Variants in BMERB1 observed in about 807,000 individuals in gnomAD.
The protein encoded by BMERB1 is bMERB domain-containing protein 1.
Under a neutral mutation model 23.6 loss-of-function variants are expected in BMERB1, and 12 were observed. The observed-to-expected ratio is 0.51, with a 90% CI of 0.33 to 0.82. BMERB1 has a LOEUF of 0.82. Among genes scored for constraint, BMERB1 ranks in the 40% least tolerant of loss-of-function variants. BMERB1 has a pLI of 0.03. For missense variants in BMERB1, 247 were observed against 255.4 expected, an observed-to-expected ratio of 0.97 and a Z score of 0.22; for synonymous variants, 122 against 96.6, an observed-to-expected ratio of 1.26 and a Z score of -1.54.
chr16:15,483,639 C>G (rs2051343187), intron 1 of BMERB1, among the ~76,000 whole-genome samples: 1 of 152,138 alleles, frequency 6.6e-6, no homozygotes, highest in Non-Finnish European at 1.5e-5. Flanking sequence ...CTCGGCCTCC[C>G]AAAGTGCTAG....
intron 2 of BMERB1, among the ~76,000 whole-genome samples, chr16:15,540,157 T>C (rs1275548687): frequency 6.6e-6 from 1 of 151,672 alleles, no homozygotes; most frequent in Non-Finnish European, 1.5e-5. Context: ...AAAAAATATA[T>C]ATAATTTTCA....
chr16:15,512,005 T>A (rs2051672083), intron 1 of BMERB1, among the ~76,000 whole-genome samples: 1 of 77,336 alleles, frequency 1.3e-5, no homozygotes, highest in Non-Finnish European at 2.4e-5. Context: ...AGAGCAAGAC[T>A]TGCTCTCAAA....
intron 2 of BMERB1, among the ~76,000 whole-genome samples, chr16:15,523,338 G>A (rs1312181846): frequency 6.6e-6 from 1 of 152,144 alleles, no homozygotes; most frequent in Non-Finnish European, 1.5e-5. Flanking sequence ...TACAGGATGG[G>A]GGCATGGCAG....
chr16:15,444,290 G>A (rs185335952), intron 1 of BMERB1, among the ~76,000 whole-genome samples: 2 of 151,806 alleles, frequency 1.3e-5, no homozygotes, highest in African/African-American at 2.4e-5. Flanking sequence ...CCAAAAGATA[G>A]AATCAATTCA....
At chr16:15,489,116 C>G (rs1225966166) in intron 1 of BMERB1, among the ~76,000 whole-genome samples, 1 of 152,094 alleles carries the variant, frequency 6.6e-6, no homozygotes, top group East Asian at 1.9e-4. Context: ...GATCCTATAT[C>G]TATCTGAATC....
At chr16:15,586,664 T>C (rs1307806618) in intron 5 of BMERB1, 53 bp from the exon 6 acceptor site, 7 of 1,311,524 alleles carry the variant, frequency 5.3e-6, no homozygotes, top group Non-Finnish European at 6.4e-6. Context: ...TCACCTCACC[T>C]CTCTCTCTCT....
chr16:15,531,545 C>T (rs1260530650), intron 2 of BMERB1, among the ~76,000 whole-genome samples: 1 of 152,148 alleles, frequency 6.6e-6, no homozygotes, highest in Admixed American at 6.5e-5. Context: ...GTGGCAGCAA[C>T]AATGACAGAG....
At chr16:15,582,114 A>C (rs1012113718) in intron 4 of BMERB1, among the ~76,000 whole-genome samples, 24 of 152,212 alleles carry the variant, frequency 1.6e-4, no homozygotes, top group African/African-American at 5.8e-4. Context: ...ATTATATTCT[A>C]TGGTCGGGTA....
chr16:15,519,228 C>T (rs1372411071), intron 2 of BMERB1, among the ~76,000 whole-genome samples: 1 of 152,052 alleles, frequency 6.6e-6, no homozygotes, highest in African/African-American at 2.4e-5. Context: ...CTGAAAGACT[C>T]CCGGTGGCCG....
Position 15,499,391 on chromosome 16 carries a change from C to G in BMERB1, c.107-15914C>G. 1.3e-5 allele frequency among the ~76,000 whole-genome samples: 2 copies of G among 151,636 alleles called. 1 individual carries two copies. The highest frequency in any genetic ancestry group is 3.9e-4 in the East Asian group (2 of 5,192). On this transcript the variant is annotated intron_variant, in intron 1 of 5. Coordinates refer to ENST00000300006, the MANE Select transcript of BMERB1 (RefSeq NM_033201.3). ...CCAGCCTGGGAGACAGAATGAGACT[C>G]CATCTAAAAAAATAAAAATAAAAAA...
intron 3 of BMERB1, among the ~76,000 whole-genome samples, chr16:15,570,622 G>T (rs973632132): frequency 1.3e-4 from 20 of 152,146 alleles, no homozygotes; most frequent in Non-Finnish European, 2.1e-4. Context: ...GAGCAAGAAA[G>T]AATTTAGGGC....
intron 1 of BMERB1, among the ~76,000 whole-genome samples, chr16:15,502,051 CTG>C (rs1453049574): frequency 6.6e-6 from 1 of 152,206 alleles, no homozygotes; most frequent in African/African-American, 2.4e-5. Context: ...GATAAGGAAA[CTG>C]AGTCTCAAAG....
chr16:15,444,119 CTTTGTTTTTTTTTTT>C (rs1468114343), intron 1 of BMERB1, among the ~76,000 whole-genome samples: 8 of 24,458 alleles, frequency 3.3e-4, no homozygotes, highest in Admixed American at 2.1e-3. Flanking sequence ...CAGGCACCAG[CTTTGTTTTTTTTTTT>C]TTTTTTTTTT....
chr16:15,454,072 AG>A (rs1240756545), intron 1 of BMERB1, among the ~76,000 whole-genome samples: 1 of 151,948 alleles, frequency 6.6e-6, no homozygotes, highest in Non-Finnish European at 1.5e-5. Flanking sequence ...TCTGCTCTCT[AG>A]GGGGGCACCT....
At chr16:15,515,260 G>A (rs776489235) in intron 1 of BMERB1, 45 bp from the exon 2 acceptor site, 3 of 1,610,948 alleles carry the variant, frequency 1.9e-6, no homozygotes, top group Non-Finnish European at 2.5e-6. Context: ...GTCCCATGGT[G>A]CAGCCTTGGG....
intron 2 of BMERB1, among the ~76,000 whole-genome samples, chr16:15,552,773 C>T (rs566839942): frequency 1.2e-4 from 18 of 152,340 alleles, no homozygotes; most frequent in Admixed American, 2.0e-4. Flanking sequence ...ACGTAGTAGG[C>T]GCTCAAGAAC....
At chr16:15,536,023 G>T (rs116364764) in intron 2 of BMERB1, among the ~76,000 whole-genome samples, 2 of 152,110 alleles carry the variant, frequency 1.3e-5, no homozygotes, top group East Asian at 1.9e-4. Context: ...CCCTCGACAC[G>T]TGGGGATTAC....
At chr16:15,553,396 G>T (rs1443840970) in intron 2 of BMERB1, among the ~76,000 whole-genome samples, 4 of 152,206 alleles carry the variant, frequency 2.6e-5, no homozygotes, top group Non-Finnish European at 4.4e-5. Flanking sequence ...GATTGCTCTA[G>T]CCAGGAGGTC....
At chr16:15,450,074 G>A (rs2051028690) in intron 1 of BMERB1, among the ~76,000 whole-genome samples, 1 of 151,808 alleles carries the variant, frequency 6.6e-6, no homozygotes, top group Non-Finnish European at 1.5e-5. Context: ...TTCTGTACAA[G>A]GATAGATACT....
Sources: allele counts gnomAD v4.1 joint callset (sites outside exome capture counted in the v4.1 genomes callset), GRCh38; gene constraint gnomAD v4.1.1; transcripts MANE v1.5; gene names NCBI Gene and HGNC (gene_info 2026-07-23, HGNC 2026-07-21).